The following INSYN2B variants were observed in gnomAD, a reference collection of about 807,000 sequenced individuals.
INSYN2B encodes the protein inhibitory synaptic factor family member 2B.
A neutral mutation model predicts 41.2 loss-of-function variants in INSYN2B; 16 were observed. The observed-to-expected ratio is 0.39, with a 90% CI of 0.26 to 0.59. INSYN2B has a LOEUF of 0.59. Ranked by LOEUF, INSYN2B falls within the 20% of genes least tolerant of loss-of-function variation. The pLI is 0.57. For synonymous variants in INSYN2B, 245 were observed against 244.4 expected, an observed-to-expected ratio of 1.00 and a Z score of -0.02; for missense variants, 608 against 646.4, an observed-to-expected ratio of 0.94 and a Z score of 0.64.
At chr5:169,934,304 G>C (rs1446667388) in intron 1 of INSYN2B, among the ~76,000 whole-genome samples, 1 of 152,106 alleles carries the variant, frequency 6.6e-6, no homozygotes, top group African/African-American at 2.4e-5. Flanking sequence ...TGATTTCCTG[G>C]GCTGATTTGC....
At chr5:169,926,578 C>T (rs190180076) in intron 1 of INSYN2B, among the ~76,000 whole-genome samples, 3 of 152,258 alleles carry the variant, frequency 2.0e-5, no homozygotes, top group Admixed American at 6.5e-5. Flanking sequence ...TGATGTGGCA[C>T]ATCAGCTCAC....
At chr5:169,934,869 CA>C in intron 1 of INSYN2B, 1 of 370,436 alleles carries the variant, frequency 2.7e-6, no homozygotes, top group Non-Finnish European at 5.4e-6. Flanking sequence ...ATTGCCAAAA[CA>C]ACTTTAACCA....
At chr5:169,951,030 C>T (rs528708548) in intron 1 of INSYN2B, among the ~76,000 whole-genome samples, 26 of 152,200 alleles carry the variant, frequency 1.7e-4, no homozygotes, top group Non-Finnish European at 2.9e-4. Context: ...GATTAGCCAG[C>T]GTCACCGGTC....
chr5:169,937,246 G>A lies in INSYN2B; in HGVS notation c.-919+43031C>T, dbSNP rs199728174. Among the ~76,000 whole-genome samples the A allele has an allele frequency of 6.6e-5, 10 of 152,274 alleles. No individual in the cohort carries two copies. The East Asian group carries it at 1.9e-3, about 29-fold the overall frequency. On this transcript the variant is annotated intron_variant, in intron 1 of 3. Transcript: ENST00000377365. ...TGACAGAGACCTTATGGCTTGAAAA[G>A]CCTTCAACATTTATTATCTGGCCCT...
intron 1 of INSYN2B, among the ~76,000 whole-genome samples, chr5:169,972,788 G>C (rs1777571597): frequency 2.6e-5 from 4 of 152,170 alleles, no homozygotes. Flanking sequence ...TAGGAAGCGG[G>C]AAAAATGTTC....
Sources: gnomAD v4.1 joint callset for allele counts (sites outside exome capture counted in the v4.1 genomes callset) on GRCh38, gnomAD v4.1.1 for gene constraint, MANE v1.5 for transcripts, NCBI Gene and HGNC (gene_info 2026-07-23, HGNC 2026-07-21) for gene names.